ZNF385D: variants seen among roughly 807,000 people sequenced by gnomAD.
ZNF385D encodes the protein zinc finger protein 385D.
A neutral mutation model predicts 35.8 loss-of-function variants in ZNF385D; 15 were observed. The ratio of observed to expected loss-of-function variants is 0.42; its 90% CI spans 0.28 to 0.64. ZNF385D has a LOEUF of 0.64. Ranked by LOEUF, ZNF385D falls within the 30% of genes least tolerant of loss-of-function variation. The pLI, the probability that ZNF385D is intolerant of heterozygous loss-of-function variation, is 0.23. For missense variants in ZNF385D, 474 were observed against 494.6 expected (o/e 0.96, Z 0.39); for synonymous variants, 212 against 186.8 (o/e 1.13, Z -1.10).
chr3:22,061,510 T>G lies in ZNF385D; in HGVS notation c.325+107307A>C, dbSNP rs115697032. On this transcript the variant is annotated intron_variant, in intron 3 of 5. Transcript: ENST00000494108. ...TCACTCTTAAAAGTATACCAGATTA[T>G]GTCACTCTTTTCTTCTCAAGCCTCC... Among the ~76,000 whole-genome samples the G allele has an allele frequency of 1.4e-3, 215 of 152,090 alleles. 1 individual carries two copies. Among genetic ancestry groups the G allele is most frequent in the African/African-American group, 4.8e-3 (197 of 41,392 alleles).
At chr3:22,358,391 T>C (rs1169572027) in intron 2 of ZNF385D, among the ~76,000 whole-genome samples, 1 of 151,868 alleles carries the variant, frequency 6.6e-6, no homozygotes, top group Non-Finnish European at 1.5e-5. Flanking sequence ...GACAGCTTCA[T>C]TTTTGAACAA....
At chr3:22,141,029 A>G (rs571072978) in intron 3 of ZNF385D, among the ~76,000 whole-genome samples, 2 of 152,218 alleles carry the variant, frequency 1.3e-5, no homozygotes, top group African/African-American at 2.4e-5. Flanking sequence ...TCATGTCCTG[A>G]GCAATTTATA....
At chr3:21,978,443 A>G (rs779581622) in intron 3 of ZNF385D, among the ~76,000 whole-genome samples, 1 of 152,214 alleles carries the variant, frequency 6.6e-6, no homozygotes, top group Non-Finnish European at 1.5e-5. Context: ...AGGGGGAGAA[A>G]CATAACCCAG....
intron 1 of ZNF385D, among the ~76,000 whole-genome samples, chr3:21,717,876 C>T (rs752448185): frequency 3.9e-5 from 6 of 152,138 alleles, no homozygotes; most frequent in Non-Finnish European, 8.8e-5. Flanking sequence ...TCAGGTATGT[C>T]TTTATTAACA....
chr3:22,222,119 G>T (rs1698293954), intron 2 of ZNF385D, among the ~76,000 whole-genome samples: 1 of 151,948 alleles, frequency 6.6e-6, no homozygotes, highest in South Asian at 2.1e-4. Flanking sequence ...TGGGATTACA[G>T]GCACATACCA....
At chr3:21,519,815 C>G (rs1002960212) in intron 3 of ZNF385D, among the ~76,000 whole-genome samples, 6 of 152,148 alleles carry the variant, frequency 3.9e-5, no homozygotes, top group Admixed American at 1.3e-4. Flanking sequence ...TCAGAATGCC[C>G]ATAGCTTAAT....
At chr3:22,329,107 A>T (rs1289557978) in intron 2 of ZNF385D, among the ~76,000 whole-genome samples, 1 of 149,664 alleles carries the variant, frequency 6.7e-6, no homozygotes, top group Non-Finnish European at 1.5e-5. Flanking sequence ...AGAGTTTATT[A>T]AAGTTGCTCA....
intron 3 of ZNF385D, among the ~76,000 whole-genome samples, chr3:21,995,010 T>C (rs1177143227): frequency 1.3e-5 from 2 of 152,202 alleles, no homozygotes; most frequent in Non-Finnish European, 2.9e-5. Flanking sequence ...GGTAGGCCAA[T>C]CCTCTTGCCT....
intron 3 of ZNF385D, among the ~76,000 whole-genome samples, chr3:22,125,004 C>T (rs576964432): frequency 6.6e-6 from 1 of 152,238 alleles, no homozygotes; most frequent in South Asian, 2.1e-4. Context: ...GACCAACATC[C>T]TGGAAAGTTT....
At chr3:22,115,825 G>A (rs970746674) in intron 3 of ZNF385D, among the ~76,000 whole-genome samples, 5 of 152,026 alleles carry the variant, frequency 3.3e-5, no homozygotes, top group African/African-American at 1.2e-4. Context: ...TAGCAGGAAG[G>A]TTTAACCTAC....
At chr3:21,698,729 A>T (rs893862552) in intron 1 of ZNF385D, among the ~76,000 whole-genome samples, 3 of 133,826 alleles carry the variant, frequency 2.2e-5, no homozygotes, top group Admixed American at 7.5e-5. Flanking sequence ...GCCAACAAAC[A>T]TAAAAAAAAA....
intron 3 of ZNF385D, among the ~76,000 whole-genome samples, chr3:21,786,154 G>A (rs1029977233): frequency 2.0e-5 from 3 of 152,076 alleles, no homozygotes; most frequent in Non-Finnish European, 4.4e-5. Context: ...AAACAGAACT[G>A]GGACTCAAAC....
intron 4 of ZNF385D, among the ~76,000 whole-genome samples, chr3:21,477,156 G>C (rs895143480): frequency 6.6e-6 from 1 of 152,148 alleles, no homozygotes; most frequent in Non-Finnish European, 1.5e-5. Flanking sequence ...GAGGAGGGTG[G>C]ATCACTTGAG....
intron 2 of ZNF385D, among the ~76,000 whole-genome samples, chr3:21,638,255 A>G (rs2065503505): frequency 6.6e-6 from 1 of 152,098 alleles, no homozygotes; most frequent in Non-Finnish European, 1.5e-5. Context: ...CTTCTGAGAA[A>G]AGGGCCTTGA....
Position 21,687,861 on chromosome 3 carries a change from T to TA in ZNF385D, c.23-22834dup, listed in dbSNP as rs2067156983. 2.0e-5 allele frequency among the ~76,000 whole-genome samples: 3 copies of TA among 152,168 alleles called. No individual in the cohort carries two copies. In the South Asian group the frequency reaches 6.2e-4, roughly 32 times the overall value. On this transcript the variant is annotated intron_variant, in intron 1 of 7. Transcript: ENST00000281523. ...ATAGCTGAATGGCTTAATAAAGCCA[T>TA]ATGGTTATTGTAGAAAAGTCTGACA...
At chr3:21,905,689 A>AATATATAT (rs4044583) in intron 3 of ZNF385D, among the ~76,000 whole-genome samples, 6,347 of 148,688 alleles carry the variant, frequency 0.043, 203 homozygotes, top group East Asian at 0.13. Context: ...CATCTGTGGT[A>AATATATAT]ATATATATAT....
intron 2 of ZNF385D, among the ~76,000 whole-genome samples, chr3:22,214,156 A>G (rs1023280473): frequency 1.3e-5 from 2 of 152,066 alleles, no homozygotes; most frequent in Non-Finnish European, 2.9e-5. Flanking sequence ...TTAAATTAAT[A>G]CTTTTATAAT....
chr3:22,164,030 T>A (rs549330265), intron 3 of ZNF385D, among the ~76,000 whole-genome samples: 4 of 152,136 alleles, frequency 2.6e-5, no homozygotes, highest in Non-Finnish European at 5.9e-5. Context: ...CATTTCTTAT[T>A]CCCAATAAGC....
intron 3 of ZNF385D, among the ~76,000 whole-genome samples, chr3:21,820,970 C>G (rs1315565902): frequency 3.3e-5 from 5 of 151,502 alleles, no homozygotes; most frequent in Middle Eastern, 3.2e-3. Flanking sequence ...ATATTAATTA[C>G]AAAACCGATT....
Sources: gnomAD v4.1 joint callset for allele counts (sites outside exome capture counted in the v4.1 genomes callset) on GRCh38, gnomAD v4.1.1 for gene constraint, MANE v1.5 for transcripts, NCBI Gene and HGNC (gene_info 2026-07-23, HGNC 2026-07-21) for gene names.